Variants in RGS6 observed in about 807,000 individuals in gnomAD.
RGS6 encodes the protein regulator of G protein signaling 6.
Under a neutral mutation model 78.5 loss-of-function variants are expected in RGS6, and 30 were observed. The ratio of observed to expected loss-of-function variants is 0.38; its 90% CI spans 0.29 to 0.52. The LOEUF (loss-of-function observed/expected upper bound fraction) is 0.52. Ranked by LOEUF, RGS6 falls within the 20% of genes least tolerant of loss-of-function variation. The pLI is 0.85. For missense variants in RGS6, 495 were observed against 609.7 expected (o/e 0.81, Z 1.98); for synonymous variants, 206 against 206.0 (o/e 1.00, Z 0.00).
intron 2 of RGS6, among the ~76,000 whole-genome samples, chr14:72,091,806 C>T (rs2095278102): frequency 6.6e-6 from 1 of 152,132 alleles, no homozygotes; most frequent in Non-Finnish European, 1.5e-5. Context: ...CATTTAACTG[C>T]TCTCCAGCTC....
intron 2 of RGS6, among the ~76,000 whole-genome samples, chr14:72,330,357 C>A (rs540781541): frequency 6.6e-6 from 1 of 152,330 alleles, no homozygotes; most frequent in South Asian, 2.1e-4. Flanking sequence ...CTTTCCTGAG[C>A]ATCTGTCATT....
intron 9 of RGS6, 54 bp downstream of exon 9, chr14:72,473,007 T>C (rs368369697): frequency 3.8e-6 from 5 of 1,330,788 alleles, no homozygotes; most frequent in Non-Finnish European, 5.2e-6. Context: ...TGTTCATTTT[T>C]ATCTCTATAA....
chr14:72,244,545 A>G (rs567595026), intron 2 of RGS6, among the ~76,000 whole-genome samples: 1 of 152,246 alleles, frequency 6.6e-6, no homozygotes, highest in East Asian at 1.9e-4. Flanking sequence ...TATTCCAAGG[A>G]CAGTTGTTCC....
At chr14:72,447,063 C>T (rs1662487019) in intron 3 of RGS6, among the ~76,000 whole-genome samples, 1 of 152,100 alleles carries the variant, frequency 6.6e-6, no homozygotes, top group South Asian at 2.1e-4. Context: ...GAAGGGAAGG[C>T]ACGACAGGCC....
intron 2 of RGS6, among the ~76,000 whole-genome samples, chr14:72,071,272 A>G (rs917531224): frequency 6.6e-6 from 1 of 152,206 alleles, no homozygotes; most frequent in Non-Finnish European, 1.5e-5. Flanking sequence ...ATTCAACACA[A>G]TTTAACTATT....
intron 17 of RGS6, among the ~76,000 whole-genome samples, chr14:72,561,457 C>T (rs763886606): frequency 7.2e-5 from 11 of 152,162 alleles, no homozygotes; most frequent in Non-Finnish European, 1.6e-4. Context: ...TGCAATGATG[C>T]GGATTTCTAA....
In RGS6 at chr14:72,565,053, C is replaced by G. The variant is rs577354102; in HGVS notation, c.*2586C>G. 6.6e-6 allele frequency: 1 copy of G among 152,170 alleles called. No homozygotes were observed. Among genetic ancestry groups the G allele is most frequent in the Non-Finnish European group, 1.5e-5 (1 of 68,048 alleles). 9.4% of individuals were successfully genotyped at this position (152,170 alleles called of 1,614,324 possible). A position where few individuals can be genotyped will look rare whatever the true frequency, so the allele number is the denominator to read the frequency against. On this transcript the variant is annotated 3_prime_UTR_variant, in exon 18 of 18. Coordinates refer to ENST00000553525, the MANE Select transcript of RGS6 (RefSeq NM_001204424.2). ...ACATTTGGAAAATCTGGTCTTGGCC[C>G]GTCCCCCATTGGCCTGGTCTACACA... is the stretch of plus-strand genomic sequence containing the variant.
chr14:72,053,083 T>C (rs190244192), intron 2 of RGS6, among the ~76,000 whole-genome samples: 229 of 3,536 alleles, frequency 0.065, 13 homozygotes, highest in East Asian at 0.15. Flanking sequence ...CTCCCTCCCT[T>C]CCTTCCTTCC....
chr14:72,456,119 T>C (rs1340334054), intron 4 of RGS6, among the ~76,000 whole-genome samples: 1 of 152,096 alleles, frequency 6.6e-6, no homozygotes, highest in Non-Finnish European at 1.5e-5. Context: ...GAAGACATCA[T>C]GGTATAGGGG....
intron 2 of RGS6, among the ~76,000 whole-genome samples, chr14:72,135,735 A>C (rs1450474711): frequency 6.6e-6 from 1 of 152,086 alleles, no homozygotes; most frequent in Non-Finnish European, 1.5e-5. Context: ...GAAAAATGCA[A>C]AATTGCAAGG....
the RGS6 span, among the ~76,000 whole-genome samples, chr14:71,870,766 G>A: frequency 1.3e-5 from 2 of 152,200 alleles, no homozygotes; most frequent in African/African-American, 4.8e-5. Context: ...GTGCATAGGG[G>A]CAGCTGCCAG....
At chr14:72,028,322 G>C (rs1199820853) in intron 2 of RGS6, among the ~76,000 whole-genome samples, 1 of 152,202 alleles carries the variant, frequency 6.6e-6, no homozygotes, top group African/African-American at 2.4e-5. Flanking sequence ...GCTGTTTGTG[G>C]AATTCCTGAG....
intron 17 of RGS6, among the ~76,000 whole-genome samples, chr14:72,551,921 G>A (rs1344182741): frequency 6.6e-6 from 1 of 152,232 alleles, no homozygotes; most frequent in Non-Finnish European, 1.5e-5. Flanking sequence ...GGAGATAAGA[G>A]TAAATAAGTA....
chr14:72,323,165 A>G (rs2072584426), intron 2 of RGS6, among the ~76,000 whole-genome samples: 1 of 152,170 alleles, frequency 6.6e-6, no homozygotes, highest in Admixed American at 6.5e-5. Context: ...AAAAAATAGT[A>G]TAAACAATAA....
At chr14:72,149,969 C>T (rs1598410138) in intron 2 of RGS6, among the ~76,000 whole-genome samples, 1 of 152,114 alleles carries the variant, frequency 6.6e-6, no homozygotes, top group Admixed American at 6.5e-5. Flanking sequence ...TCAAATTTTT[C>T]CCATCTTACT....
intron 6 of RGS6, among the ~76,000 whole-genome samples, chr14:72,465,363 G>T (rs527296005): frequency 7.0e-4 from 106 of 152,266 alleles, no homozygotes; most frequent in Middle Eastern, 3.4e-3. Flanking sequence ...AAGGGGAGTT[G>T]TCAGGATTGG....
intron 1 of RGS6, among the ~76,000 whole-genome samples, chr14:71,935,678 G>A (rs1030094589): frequency 2.0e-5 from 3 of 152,104 alleles, no homozygotes; most frequent in African/African-American, 7.2e-5. Flanking sequence ...GGCCATTGTG[G>A]GTGGGAGACC....
chr14:71,869,170 A>T, the RGS6 span, among the ~76,000 whole-genome samples: 1 of 152,214 alleles, frequency 6.6e-6, no homozygotes, highest in African/African-American at 2.4e-5. Flanking sequence ...GGACAGGTGT[A>T]AAAACCTGCC....
At chr14:71,999,308 G>A (rs540680574) in intron 2 of RGS6, among the ~76,000 whole-genome samples, 29 of 152,330 alleles carry the variant, frequency 1.9e-4, no homozygotes, top group Admixed American at 7.8e-4. Flanking sequence ...CTCTTACAAG[G>A]CTTGTGATCT....
Sources: gnomAD v4.1 joint callset for allele counts (sites outside exome capture counted in the v4.1 genomes callset) on GRCh38, gnomAD v4.1.1 for gene constraint, MANE v1.5 for transcripts, NCBI Gene and HGNC (gene_info 2026-07-23, HGNC 2026-07-21) for gene names.